The following KDM2B variants were observed in gnomAD, a reference collection of about 807,000 sequenced individuals.
The protein encoded by KDM2B is lysine-specific demethylase 2B.
A neutral mutation model predicts 150.0 loss-of-function variants in KDM2B; 26 were observed. The ratio of observed to expected loss-of-function variants is 0.17; its 90% CI spans 0.13 to 0.24. KDM2B has a LOEUF of 0.24. KDM2B is among the 10% of genes least tolerant of loss of function. The probability of loss-of-function intolerance (pLI) is 1.00; values close to 1 mark genes in which losing one functional copy is unlikely to be tolerated. For missense variants in KDM2B, 1,265 were observed against 1,816.9 expected (o/e 0.70, Z 5.52); for synonymous variants, 734 against 729.5 (o/e 1.01, Z -0.10).
chr12:121,427,071 T>C (rs1439648980), downstream of KDM2B, among the ~76,000 whole-genome samples: 1 of 152,198 alleles, frequency 6.6e-6, no homozygotes, highest in Non-Finnish European at 1.5e-5. Flanking sequence ...AAACATCAGA[T>C]TCCCTAGAGG....
intron 9 of KDM2B, among the ~76,000 whole-genome samples, chr12:121,515,621 C>T (rs1886106522): frequency 6.7e-6 from 1 of 149,866 alleles, no homozygotes; most frequent in Non-Finnish European, 1.5e-5. Context: ...AAGCAGACCT[C>T]CGTTCTCCTT....
rs1360190128 is a variant in KDM2B at position 121,575,468 on chromosome 12, G to A, written c.350+313C>T. 6.6e-6 allele frequency among the ~76,000 whole-genome samples: 1 copy of A among 152,240 alleles called. No homozygotes were observed. Among genetic ancestry groups the A allele is most frequent in the Non-Finnish European group, 1.5e-5 (1 of 68,052 alleles). On this transcript the variant is annotated intron_variant, in intron 3 of 22. Coordinates refer to ENST00000377071, the MANE Select transcript of KDM2B (RefSeq NM_032590.5). The surrounding 1 kb of genome is among the most constrained non-coding windows in gnomAD (Gnocchi z 4.4). ...CTCTGCCTCAGTCTCCTGATCTGGAGCAAGGGGAAGGAGGAGAGGTACAAT... is the reference window on the plus strand; with the variant it reads ...CTCTGCCTCAGTCTCCTGATCTGGAACAAGGGGAAGGAGGAGAGGTACAAT...
At chr12:121,459,084 C>CAAAAAA (rs60165748) in intron 12 of KDM2B, among the ~76,000 whole-genome samples, 2 of 102,438 alleles carry the variant, frequency 2.0e-5, no homozygotes, top group African/African-American at 7.3e-5. Context: ...GACTCTGCCT[C>CAAAAAA]AAAAAAAAAA....
At chr12:121,532,162 C>CCCCT (rs1555307922) in intron 8 of KDM2B, among the ~76,000 whole-genome samples, 1 of 151,656 alleles carries the variant, frequency 6.6e-6, no homozygotes, top group Non-Finnish European at 1.5e-5. Flanking sequence ...GTGGCCTGAC[C>CCCCT]CCCTCCCTCT....
chr12:121,498,343 C>A (rs529019427), intron 11 of KDM2B, among the ~76,000 whole-genome samples: 1 of 152,044 alleles, frequency 6.6e-6, no homozygotes, highest in Non-Finnish European at 1.5e-5. Context: ...CAATAGGGAA[C>A]GGTGAGGCCT....
At chr12:121,534,413 T>A (rs1241822571) in intron 7 of KDM2B, 84 bp downstream of exon 7, 3 of 919,426 alleles carry the variant, frequency 3.3e-6, no homozygotes, top group African/African-American at 3.3e-5. Flanking sequence ...AGGAGGGAGG[T>A]GGGAGGAGAG....
intron 4 of KDM2B, among the ~76,000 whole-genome samples, chr12:121,563,853 C>T (rs1555314340): frequency 2.0e-5 from 3 of 151,722 alleles, no homozygotes; most frequent in African/African-American, 7.3e-5. Context: ...GCCCAGATCA[C>T]ACCACTGCAC....
At chr12:121,443,131 G>C (rs1555289054) in intron 17 of KDM2B, 101 bp from the exon 18 acceptor site, 12 of 1,157,620 alleles carry the variant, frequency 1.0e-5, no homozygotes, top group Middle Eastern at 2.2e-4. Context: ...CTCCAGAGGA[G>C]GGGCTGGAGG....
rs1874827479 is a variant in KDM2B, at chr12:121,440,549, A to G, written c.3610+267T>C. 8.7e-6 allele frequency: 4 copies of G among 461,372 alleles called. No individual in the cohort carries two copies. The South Asian group carries it at 1.2e-4, about 14-fold the overall frequency. 28.6% of individuals were successfully genotyped at this position (461,372 alleles called of 1,614,324 possible). ...AGCCCCATGAGCGAGTCAATAAGAA[A>G]GCAGTGAGACACACGCAGAGCCCCA... On this transcript the variant is annotated intron_variant, in intron 21 of 22. Coordinates refer to ENST00000377071, the MANE Select transcript of KDM2B (RefSeq NM_032590.5).
chr12:121,547,937 G>A (rs564696923), intron 6 of KDM2B, among the ~76,000 whole-genome samples: 3 of 151,896 alleles, frequency 2.0e-5, no homozygotes, highest in Non-Finnish European at 4.4e-5. Context: ...CACCCCGCCC[G>A]GCCTCTTTCC....
chr12:121,440,098 G>A (rs782370692), intron 21 of KDM2B, 23 bp from the exon 22 acceptor site: 3 of 1,564,336 alleles, frequency 1.9e-6, no homozygotes, highest in South Asian at 2.3e-5. Context: ...GAAGGAGGGG[G>A]CAACCCGTCA....
chr12:121,436,658 A>G (rs1488326928), intron 22 of KDM2B, among the ~76,000 whole-genome samples: 3 of 152,064 alleles, frequency 2.0e-5, no homozygotes, highest in African/African-American at 7.2e-5. Flanking sequence ...GAAGGGGAGG[A>G]AGTTAAGAAA....
intron 12 of KDM2B, among the ~76,000 whole-genome samples, chr12:121,461,435 C>T (rs561444136): frequency 6.6e-6 from 1 of 151,870 alleles, no homozygotes; most frequent in South Asian, 2.1e-4. Context: ...GGGCAGTGGG[C>T]AAGACAAAAG....
At chr12:121,496,500 T>C (rs1228892406) in intron 11 of KDM2B, among the ~76,000 whole-genome samples, 1 of 148,594 alleles carries the variant, frequency 6.7e-6, no homozygotes, top group Middle Eastern at 3.4e-3. Flanking sequence ...GTCCTTTTTT[T>C]TTTTTTTTTT....
At chr12:121,557,188 A>G (rs1889961819) in intron 4 of KDM2B, among the ~76,000 whole-genome samples, 1 of 151,796 alleles carries the variant, frequency 6.6e-6, no homozygotes, top group Admixed American at 6.6e-5. Context: ...TCAAGCTAGA[A>G]TGAGATCATA....
Position 121,549,438 on chromosome 12 carries a change from G to A in KDM2B, c.576+22C>T, listed in dbSNP as rs375261399. 6.4e-7 allele frequency: 1 copy of A among 1,562,178 alleles called. No individual in the cohort carries two copies. The highest frequency in any genetic ancestry group is 1.8e-5 in the Admixed American group (1 of 55,754). On this transcript the variant is annotated intron_variant, in intron 5 of 22. Coordinates refer to ENST00000377071, the MANE Select transcript of KDM2B (RefSeq NM_032590.5). The surrounding 1 kb of genome is among the most constrained non-coding windows in gnomAD (Gnocchi z 4.4). ...GATGAGGTGGAAGGTATCTGGGGAG[G>A]GTACCTGGGCCCCGGACCTACCACA...
intron 13 of KDM2B, among the ~76,000 whole-genome samples, chr12:121,446,975 G>C (rs1555290472): frequency 6.6e-6 from 1 of 152,144 alleles, no homozygotes; most frequent in East Asian, 1.9e-4. Flanking sequence ...GCTACTCAAA[G>C]GTCAAGACAG....
intron 12 of KDM2B, among the ~76,000 whole-genome samples, chr12:121,483,721 A>G (rs1882420836): frequency 6.7e-6 from 1 of 149,258 alleles, no homozygotes; most frequent in Admixed American, 6.7e-5. Flanking sequence ...ACAACAACAC[A>G]CACACACACA....
Position 121,521,186 on chromosome 12 carries a change from C to G in KDM2B, c.932-86G>C. 1.1e-6 allele frequency: 1 copy of G among 913,960 alleles called. No individual in the cohort carries two copies. The highest frequency in any genetic ancestry group is 2.6e-5 in the East Asian group (1 of 38,328). The allele number at this position is 913,960 out of a possible 1,614,324, so 56.6% of individuals were successfully genotyped here. A position where few individuals can be genotyped will look rare whatever the true frequency, so the allele number is the denominator to read the frequency against. On this transcript the variant is annotated intron_variant, in intron 8 of 22. Coordinates refer to ENST00000377071, the MANE Select transcript of KDM2B (RefSeq NM_032590.5). The surrounding 1 kb of genome is among the most constrained non-coding windows in gnomAD (Gnocchi z 4.9). Reference sequence around the variant, plus strand: ...CAAGGCTGCAGGGAGGGAGAGCGAGCGTGCAGGAGGGTGCAGGGAGTGGAG... The same window carrying G: ...CAAGGCTGCAGGGAGGGAGAGCGAGGGTGCAGGAGGGTGCAGGGAGTGGAG...
Sources: allele counts gnomAD v4.1 joint callset (sites outside exome capture counted in the v4.1 genomes callset), GRCh38; gene constraint gnomAD v4.1.1; non-coding constraint Gnocchi (gnomAD v3.1); transcripts MANE v1.5; gene names NCBI Gene and HGNC (gene_info 2026-07-23, HGNC 2026-07-21).